Variants in TESPA1 observed in about 807,000 individuals in gnomAD.
TESPA1 encodes the protein protein TESPA1.
TESPA1 carries 33 observed loss-of-function variants against 57.9 expected under a neutral mutation model. The observed-to-expected ratio is 0.57, with a 90% CI of 0.43 to 0.76. The LOEUF (loss-of-function observed/expected upper bound fraction) is 0.76, where lower values mean the gene tolerates loss of function less well. Ranked by LOEUF, TESPA1 falls within the 30% of genes least tolerant of loss-of-function variation. TESPA1 has a pLI of 0.00. For missense variants in TESPA1, 618 were observed against 632.9 expected (o/e 0.98, Z 0.25); for synonymous variants, 227 against 228.9 (o/e 0.99, Z 0.07).
At chr12:54,966,637 T>C (rs1031856450) in intron 5 of TESPA1, among the ~76,000 whole-genome samples, 1 of 152,202 alleles carries the variant, frequency 6.6e-6, no homozygotes, top group African/African-American at 2.4e-5. Flanking sequence ...TAACTGGCCT[T>C]AACCCTATGA....
intron 8 of TESPA1, among the ~76,000 whole-genome samples, chr12:54,963,462 A>G (rs1184218464): frequency 2.0e-5 from 3 of 152,184 alleles, no homozygotes; most frequent in Non-Finnish European, 4.4e-5. Flanking sequence ...AACAAAAAAG[A>G]GGGATAAGAT....
At chr12:54,958,615 TTCTC>T (rs1251605696) in intron 10 of TESPA1, among the ~76,000 whole-genome samples, 2 of 152,152 alleles carry the variant, frequency 1.3e-5, no homozygotes, top group South Asian at 2.1e-4. Context: ...TTTTATTTCT[TTCTC>T]TCTTTCTTCT....
chr12:54,951,915 C>T (rs531751145), intron 10 of TESPA1, among the ~76,000 whole-genome samples: 8 of 151,832 alleles, frequency 5.3e-5, no homozygotes, highest in African/African-American at 1.9e-4. Context: ...TTTCCTCATG[C>T]CGTCACCTAT....
In TESPA1 at chr12:54,950,014, G is replaced by C. The variant is rs1950284442; in HGVS notation, c.*378C>G. On this transcript the variant is annotated 3_prime_UTR_variant, in exon 11 of 11. Coordinates refer to ENST00000449076, the MANE Select transcript of TESPA1 (RefSeq NM_001136030.3). The stretch of plus-strand genomic sequence containing the variant: ...AAACTTGTCCCCTAAACTTGATCCT[G>C]AAGTCTCCTAACTGCCCTTGGCAAT... The C allele has an allele frequency of 4.7e-6, 1 of 213,600 alleles. No individual in the cohort carries two copies. Among genetic ancestry groups the C allele is most frequent in the Admixed American group, 5.5e-5 (1 of 18,332 alleles). The allele number at this position is 213,600 out of a possible 1,614,324, so 13.2% of individuals were successfully genotyped here.
intron 3 of TESPA1, among the ~76,000 whole-genome samples, chr12:54,971,865 A>G (rs1951852082): frequency 6.6e-6 from 1 of 152,190 alleles, no homozygotes; most frequent in African/African-American, 2.4e-5. Context: ...TGATAAATAA[A>G]CAGATGTAGA....
At chr12:54,965,354 TC>T (rs1198755588) in intron 7 of TESPA1, among the ~76,000 whole-genome samples, 2 of 152,076 alleles carry the variant, frequency 1.3e-5, no homozygotes, top group Non-Finnish European at 2.9e-5. Context: ...TCTCACCCCA[TC>T]CCCTGACAGG....
chr12:54,958,502 G>T (rs543961424), intron 10 of TESPA1, among the ~76,000 whole-genome samples: 16 of 138,576 alleles, frequency 1.2e-4, no homozygotes, highest in East Asian at 1.0e-3. Flanking sequence ...TTTTTTGTGC[G>T]TGTGTTTATT....
At chr12:54,952,944 C>T (rs1950488198) in intron 10 of TESPA1, among the ~76,000 whole-genome samples, 2 of 152,132 alleles carry the variant, frequency 1.3e-5, no homozygotes, top group South Asian at 2.1e-4. Flanking sequence ...CATTTTTCTT[C>T]CCCAAACACA....
chr12:54,980,837 A>G lies in TESPA1; in HGVS notation c.-46+3748T>C, dbSNP rs141726449. On this transcript the variant is annotated intron_variant, in intron 1 of 10. Transcript: ENST00000449076. ...TGTTATTTAGAAATTAAAGAAAAGG[A>G]AAACTGTAGAAAGAGTTTGGGCCTT... 1.2e-3 allele frequency among the ~76,000 whole-genome samples: 178 copies of G among 152,356 alleles called. 1 individual carries two copies. Among genetic ancestry groups the G allele is most frequent in the African/African-American group, 4.3e-3 (177 of 41,582 alleles).
chr12:54,950,516 T>G (rs1950314983), intron 10 of TESPA1, 126 bp from the exon 11 acceptor site: 2 of 346,540 alleles, frequency 5.8e-6, no homozygotes, highest in South Asian at 4.5e-5. Context: ...ACATTTAAAG[T>G]TATTAGCAGC....
rs1437774628 is a variant in TESPA1, at chr12:54,961,208, G to A, written c.1527C>T (p.His509=). 6.2e-7 allele frequency: 1 copy of A among 1,614,002 alleles called. No individual in the cohort carries two copies. Among genetic ancestry groups the A allele is most frequent in the Non-Finnish European group, 8.5e-7 (1 of 1,179,884 alleles). ...SQSRWPSRPR[H]PHHHQTFAGK... ...CAGCAAAAGTCTGGTGGTGGTGGGGGTGCCTGGGTCTGCTGGGCCAGCGAC... is the reference window on the plus strand; with the variant it reads ...CAGCAAAAGTCTGGTGGTGGTGGGGATGCCTGGGTCTGCTGGGCCAGCGAC... The change falls in exon 10 of 11, where the codon CAC becomes CAT. Residue 509 remains histidine, a synonymous_variant. Coordinates refer to ENST00000449076, the MANE Select transcript of TESPA1 (RefSeq NM_001136030.3).
Position 54,974,591 on chromosome 12 carries a change from G to A in TESPA1, c.-29C>T, listed in dbSNP as rs771650600. On this transcript the variant is annotated 5_prime_UTR_variant, in exon 2 of 11. It adds an upstream start codon to the 5' untranslated region. Coordinates refer to ENST00000449076, the MANE Select transcript of TESPA1 (RefSeq NM_001136030.3). ...CCTGGCTCAGACTTCAGGGCCTCCC[G>A]TAACAGTAATGCCGTCCTAAGAGTT... The A allele has an allele frequency of 1.8e-5, 27 of 1,507,586 alleles. No individual in the cohort carries two copies. The highest frequency in any genetic ancestry group is 1.3e-4 in the Admixed American group (6 of 44,598). 93.4% of individuals were successfully genotyped at this position (1,507,586 alleles called of 1,614,324 possible).
At chr12:54,982,473 G>C (rs979157913) in intron 1 of TESPA1, among the ~76,000 whole-genome samples, 20 of 152,266 alleles carry the variant, frequency 1.3e-4, no homozygotes, top group African/African-American at 4.3e-4. Context: ...GACCATCTAA[G>C]ACCTTTTTCC....
At chr12:54,971,799 T>C (rs1951846742) in intron 3 of TESPA1, among the ~76,000 whole-genome samples, 1 of 152,162 alleles carries the variant, frequency 6.6e-6, no homozygotes, top group Non-Finnish European at 1.5e-5. Context: ...CTTTTCCTTC[T>C]TCCAGGTAAT....
At chr12:54,967,728 G>C in intron 4 of TESPA1, 115 bp downstream of exon 4, 1 of 1,242,030 alleles carries the variant, frequency 8.1e-7, no homozygotes, top group Non-Finnish European at 1.1e-6. Flanking sequence ...AGAACACTCA[G>C]GGACTCTTTT....
intron 4 of TESPA1, 67 bp downstream of exon 4, chr12:54,967,776 T>A (rs772195174): frequency 1.8e-5 from 28 of 1,582,470 alleles, no homozygotes; most frequent in Non-Finnish European, 2.3e-5. Context: ...AACACTCACA[T>A]ACACACACGC....
At chr12:54,960,671 T>G (rs1951017552) in intron 10 of TESPA1, among the ~76,000 whole-genome samples, 1 of 152,190 alleles carries the variant, frequency 6.6e-6, no homozygotes, top group African/African-American at 2.4e-5. Context: ...TGTGATTCAT[T>G]AGGTCTGGGG....
chr12:54,979,998 G>A (rs139060965), intron 1 of TESPA1, among the ~76,000 whole-genome samples: 313 of 152,260 alleles, frequency 2.1e-3, no homozygotes, highest in Middle Eastern at 3.4e-3. Flanking sequence ...GACCCTCACA[G>A]AGATACGTTA....
intron 1 of TESPA1, among the ~76,000 whole-genome samples, chr12:54,979,088 A>G (rs1184501549): frequency 6.6e-6 from 1 of 152,224 alleles, no homozygotes; most frequent in Non-Finnish European, 1.5e-5. Context: ...ACATTTTTGC[A>G]CAGTTAGTGA....
Sources: gnomAD v4.1 joint callset for allele counts (sites outside exome capture counted in the v4.1 genomes callset) on GRCh38, gnomAD v4.1.1 for gene constraint, MANE v1.5 for transcripts, NCBI Gene and HGNC (gene_info 2026-07-23, HGNC 2026-07-21) for gene names.